DYM: variants seen among roughly 807,000 people sequenced by gnomAD.
The protein encoded by DYM is dymeclin, also known as dyggve-Melchior-Clausen syndrome protein.
A neutral mutation model predicts 93.1 loss-of-function variants in DYM; 78 were observed. That is an observed-to-expected ratio of 0.84 (90% CI 0.70 to 1.01). DYM has a LOEUF of 1.01. Among genes scored for constraint, DYM ranks in the 50% least tolerant of loss-of-function variants. The probability of loss-of-function intolerance (pLI) is 0.00; values close to 1 mark genes in which losing one functional copy is unlikely to be tolerated. For missense variants in DYM, 789 were observed against 845.0 expected (o/e 0.93, Z 0.82); for synonymous variants, 321 against 319.7 (o/e 1.00, Z -0.04).
At chr18:49,166,826 G>GA (rs1164097926) in intron 14 of DYM, among the ~76,000 whole-genome samples, 1 of 152,056 alleles carries the variant, frequency 6.6e-6, no homozygotes, top group Non-Finnish European at 1.5e-5. Context: ...AACAAAAAAA[G>GA]AAAAGCAATA....
chr18:49,291,597 CGAGGATCAGCAAGAA>C (rs2060120079), intron 8 of DYM, among the ~76,000 whole-genome samples: 1 of 152,062 alleles, frequency 6.6e-6, no homozygotes. Context: ...TAAGCAAACT[CGAGGATCAGCAAGAA>C]GAGGTTTTTC....
intron 15 of DYM, among the ~76,000 whole-genome samples, chr18:49,137,820 A>G (rs2084017940): frequency 6.6e-6 from 1 of 152,200 alleles, no homozygotes; most frequent in Non-Finnish European, 1.5e-5. Context: ...GGAGCAACAG[A>G]AAGTGTTTTG....
intron 13 of DYM, among the ~76,000 whole-genome samples, chr18:49,233,184 A>T (rs2093761083): frequency 6.6e-6 from 1 of 151,602 alleles, no homozygotes; most frequent in Non-Finnish European, 1.5e-5. Flanking sequence ...AACATGGTGA[A>T]ACCCCATCTC....
intron 6 of DYM, among the ~76,000 whole-genome samples, chr18:49,340,137 A>G (rs1016415941): frequency 3.3e-5 from 5 of 152,060 alleles, no homozygotes; most frequent in African/African-American, 4.8e-5. Context: ...TATTTTTAGT[A>G]GAGACGGGGT....
chr18:49,454,966 CCTCT>C (rs372791718), intron 1 of DYM, among the ~76,000 whole-genome samples: 3 of 143,922 alleles, frequency 2.1e-5, no homozygotes, highest in African/African-American at 7.6e-5. Context: ...CTTTTTTGGA[CCTCT>C]CTCTCTCTCT....
At chr18:49,276,229 C>T (rs1284076307) in intron 10 of DYM, among the ~76,000 whole-genome samples, 1 of 152,052 alleles carries the variant, frequency 6.6e-6, no homozygotes, top group African/African-American at 2.4e-5. Flanking sequence ...CTTTACTCAT[C>T]TAAGGAAGTT....
intron 17 of DYM, among the ~76,000 whole-genome samples, chr18:49,087,450 TATTTA>T (rs1353877330): frequency 6.6e-6 from 1 of 152,220 alleles, no homozygotes; most frequent in Non-Finnish European, 1.5e-5. Flanking sequence ...ATCTACCACA[TATTTA>T]ATTAAACAAA....
intron 8 of DYM, among the ~76,000 whole-genome samples, chr18:49,291,109 T>G (rs2060082760): frequency 6.6e-6 from 1 of 152,200 alleles, no homozygotes; most frequent in African/African-American, 2.4e-5. Flanking sequence ...AACTTTAATC[T>G]TTGCATATAC....
chr18:49,110,098 C>A (rs2081255701), intron 16 of DYM, among the ~76,000 whole-genome samples: 1 of 152,214 alleles, frequency 6.6e-6, no homozygotes, highest in African/African-American at 2.4e-5. Flanking sequence ...GCCATACCCA[C>A]TTGTTTACAC....
At chr18:49,234,745 CG>C (rs2093810053) in intron 13 of DYM, among the ~76,000 whole-genome samples, 1 of 152,086 alleles carries the variant, frequency 6.6e-6, no homozygotes, top group Non-Finnish European at 1.5e-5. Context: ...TCCTTAAAAC[CG>C]GGAGACTATC....
chr18:49,120,593 G>T (rs1171344437), intron 15 of DYM, among the ~76,000 whole-genome samples: 2 of 152,106 alleles, frequency 1.3e-5, no homozygotes, highest in Non-Finnish European at 2.9e-5. Flanking sequence ...GGATATGAAG[G>T]GCCAACTGTA....
At chr18:49,149,971 T>G (rs1465457934) in intron 15 of DYM, among the ~76,000 whole-genome samples, 4 of 152,214 alleles carry the variant, frequency 2.6e-5, no homozygotes, top group African/African-American at 9.7e-5. Context: ...TCTCCCAAAG[T>G]GCTGGGATTA....
chr18:49,382,028 G>T (rs941719232), intron 3 of DYM, among the ~76,000 whole-genome samples: 1 of 152,018 alleles, frequency 6.6e-6, no homozygotes, highest in African/African-American at 2.4e-5. Context: ...AGGGTAACAT[G>T]ACTACAATCA....
At chr18:49,068,242 G>T (rs569168568) in intron 17 of DYM, among the ~76,000 whole-genome samples, 2 of 152,290 alleles carry the variant, frequency 1.3e-5, no homozygotes, top group East Asian at 3.9e-4. Flanking sequence ...ATAGGAGCCT[G>T]GATCTGCCCC....
chr18:49,399,591 G>T (rs1297286608), intron 2 of DYM, among the ~76,000 whole-genome samples: 1 of 152,106 alleles, frequency 6.6e-6, no homozygotes, highest in Non-Finnish European at 1.5e-5. Context: ...AGCCTTCTTT[G>T]ATCAGGTCTC....
At chr18:49,094,779 T>C (rs949110052) in intron 17 of DYM, among the ~76,000 whole-genome samples, 3 of 152,236 alleles carry the variant, frequency 2.0e-5, no homozygotes, top group Non-Finnish European at 4.4e-5. Flanking sequence ...GGAAGAATAC[T>C]ACTTCTACAA....
At chr18:49,393,088 G>A (rs2069540556) in intron 2 of DYM, among the ~76,000 whole-genome samples, 1 of 80,336 alleles carries the variant, frequency 1.2e-5, no homozygotes, top group African/African-American at 4.2e-5. Flanking sequence ...AAGAAGGGAG[G>A]GAGGGAAGGA....
chr18:49,077,258 T>G (rs535292624), intron 17 of DYM, among the ~76,000 whole-genome samples: 1 of 152,356 alleles, frequency 6.6e-6, no homozygotes, highest in South Asian at 2.1e-4. Context: ...CCTTTGCACA[T>G]GATTTTCTGT....
rs184663687 is a variant in DYM at position 49,333,800 on chromosome 18, A to T, written c.548T>A (p.Leu183His). ...TTCTTTGTGGAAGAGTTGGCAGGAA[A>T]GGAAAACAACCATTGTTGATATAGC... ...VEAISTMVVF[L>H]SCQLFHKEVL... Residue 183 changes from leucine (L) to histidine (H), a missense_variant, in exon 7 of 18, where the codon CTT becomes CAT. Leu to His is a moderately conservative substitution (Grantham distance 99). Transcript: ENST00000675505. The T allele has an allele frequency of 5.6e-6, 9 of 1,613,806 alleles. No individual in the cohort carries two copies. In the Admixed American group the frequency reaches 1.2e-4, roughly 21 times the overall value.
Sources: gnomAD v4.1 joint callset for allele counts (sites outside exome capture counted in the v4.1 genomes callset) on GRCh38, gnomAD v4.1.1 for gene constraint, MANE v1.5 for transcripts, NCBI Gene and HGNC (gene_info 2026-07-23, HGNC 2026-07-21) for gene names.